The following PKHD1 variants were observed in gnomAD, a reference collection of about 807,000 sequenced individuals.
The protein encoded by PKHD1 is PKHD1 ciliary IPT domain containing fibrocystin/polyductin.
In PKHD1, 291 loss-of-function variants were observed where a neutral mutation model predicts 412.0. The ratio of observed to expected loss-of-function variants is 0.71; its 90% CI spans 0.64 to 0.78. The LOEUF is 0.78. Ranked by LOEUF, PKHD1 falls within the 30% of genes least tolerant of loss-of-function variation. The probability of loss-of-function intolerance (pLI) is 0.00; values close to 1 mark genes in which losing one functional copy is unlikely to be tolerated. For synonymous variants in PKHD1, 1,777 were observed against 1,821.5 expected (o/e 0.98, Z 0.62); for missense variants, 4,825 against 4,950.7 (o/e 0.97, Z 0.76).
chr6:51,804,416 T>TTACAGTGG (rs1763428498), intron 52 of PKHD1, among the ~76,000 whole-genome samples: 1 of 143,294 alleles, frequency 7.0e-6, no homozygotes, highest in Non-Finnish European at 1.5e-5. Context: ...TAAAAAATTA[T>TTACAGTGG]TACAGTGGCT....
At chr6:51,631,739 T>C (rs529836598) in intron 65 of PKHD1, among the ~76,000 whole-genome samples, 1 of 152,122 alleles carries the variant, frequency 6.6e-6, no homozygotes, top group East Asian at 1.9e-4. Flanking sequence ...AGAAGCTTCA[T>C]TTACAAAGCT....
chr6:51,774,051 A>C (rs1044245495), intron 54 of PKHD1, among the ~76,000 whole-genome samples: 18 of 151,936 alleles, frequency 1.2e-4, no homozygotes, highest in African/African-American at 4.3e-4. Flanking sequence ...TAGGCTGAGA[A>C]GGATCCTGAA....
At chr6:51,691,227 C>G (rs1204266315) in intron 60 of PKHD1, among the ~76,000 whole-genome samples, 1 of 152,088 alleles carries the variant, frequency 6.6e-6, no homozygotes, top group African/African-American at 2.4e-5. Context: ...ATCAGTCCAG[C>G]CATTGTGGAA....
At position 51,847,708 on chromosome 6, in the gene PKHD1, G is replaced by A. The variant is rs1042462182; in HGVS notation, c.8107+67C>T. ...CAGCACTTCACAGCACAAATGTCTG[G>A]AATTGAAGGGTGATTGGTGATTTCT... is the stretch of plus-strand genomic sequence containing the variant. On this transcript the variant is annotated intron_variant, in intron 50 of 66. Coordinates refer to ENST00000371117, the MANE Select transcript of PKHD1 (RefSeq NM_138694.4). The A allele has an allele frequency of 5.0e-5, 57 of 1,130,142 alleles. 1 individual carries two copies. The East Asian group carries it at 1.3e-3, about 25-fold the overall frequency. 70.0% of individuals were successfully genotyped at this position (1,130,142 alleles called of 1,614,324 possible).
rs192908630 is a variant in PKHD1 at position 51,860,276 on chromosome 6, A to G, written c.7734-4206T>C. Among the ~76,000 whole-genome samples, 171 of 152,342 alleles carry G rather than the reference A, an allele frequency of 1.1e-3. 1 individual carries two copies. The highest frequency in any genetic ancestry group is 3.8e-3 in the African/African-American group (159 of 41,566). Reference sequence around the variant, plus strand: ...TCTCCCATCAGGCAAGATGGCTTGTACTGACCATCACCAGGGGCCAAAAAT... The same window carrying G: ...TCTCCCATCAGGCAAGATGGCTTGTGCTGACCATCACCAGGGGCCAAAAAT... On this transcript the variant is annotated intron_variant, in intron 48 of 66. Coordinates refer to ENST00000371117, the MANE Select transcript of PKHD1 (RefSeq NM_138694.4).
At chr6:51,697,269 G>A (rs1157128535) in intron 60 of PKHD1, among the ~76,000 whole-genome samples, 6 of 152,164 alleles carry the variant, frequency 3.9e-5, no homozygotes, top group South Asian at 2.1e-4. Context: ...AACCAAACAC[G>A]CTGTGAGGTA....
intron 60 of PKHD1, chr6:51,741,279 C>A: frequency 2.0e-6 from 1 of 501,760 alleles, no homozygotes; most frequent in South Asian, 1.5e-5. Flanking sequence ...TTTGATGCCA[C>A]ACCCATGTAT....
chr6:51,671,032 T>G (rs1438643928), intron 60 of PKHD1, among the ~76,000 whole-genome samples: 7 of 152,112 alleles, frequency 4.6e-5, no homozygotes, highest in Admixed American at 4.6e-4. Flanking sequence ...TGTCTTGGAG[T>G]TTCTCTTCTC....
Position 52,055,545 on chromosome 6 carries a change from T to C in PKHD1, c.1836+42A>G, listed in dbSNP as rs758111171. 47 of 1,609,520 alleles carry C rather than the reference T, an allele frequency of 2.9e-5. No homozygotes were observed. The Admixed American group carries it at 6.0e-4, about 21-fold the overall frequency. On this transcript the variant is annotated intron_variant, in intron 19 of 66. Coordinates refer to ENST00000371117, the MANE Select transcript of PKHD1 (RefSeq NM_138694.4). ...TCTTGAATCCAGAGAGCAATACCAA[T>C]ACCTACCCACCTGACCCAGAAGCAC...
chr6:51,981,315 C>CCTCTG (rs1795146999), intron 35 of PKHD1, among the ~76,000 whole-genome samples: 1 of 10,908 alleles, frequency 9.2e-5, no homozygotes, highest in African/African-American at 2.4e-4. Context: ...CTCAAGCTCT[C>CCTCTG]CCTCTCCCTC....
chr6:51,648,086 T>C lies in PKHD1; in HGVS notation c.11343A>G (p.Ser3781=). 2 of 1,608,148 alleles carry C rather than the reference T, an allele frequency of 1.2e-6. No homozygotes were observed. Among genetic ancestry groups the C allele is most frequent in the Non-Finnish European group, 1.7e-6 (2 of 1,174,504 alleles). ...GGGAAGCTGAAATTGTCCATGGCTC[T>C]GAAGGAGGTCCCAGGGACTCTACTC... ...NRRVESLGPP[S]EPWTISASLE... Residue 3781 remains serine (S), a synonymous_variant, in exon 63 of 67, where the codon TCA becomes TCG. Transcript: ENST00000371117.
intron 60 of PKHD1, among the ~76,000 whole-genome samples, chr6:51,675,402 G>C (rs190743834): frequency 6.6e-6 from 1 of 152,054 alleles, no homozygotes; most frequent in Admixed American, 6.6e-5. Context: ...TCTCCAAATG[G>C]CCTATCTGCC....
At chr6:51,623,542 C>T (rs1321722115) in intron 66 of PKHD1, among the ~76,000 whole-genome samples, 2 of 152,028 alleles carry the variant, frequency 1.3e-5, no homozygotes. Context: ...CTGCAAACAA[C>T]TTCCATCATT....
At chr6:51,803,529 T>C (rs976854847) in intron 52 of PKHD1, among the ~76,000 whole-genome samples, 7 of 150,588 alleles carry the variant, frequency 4.6e-5, no homozygotes, top group Non-Finnish European at 1.0e-4. Flanking sequence ...TAATCCAAGA[T>C]GACTAGAAGA....
At chr6:51,691,977 A>G (rs77737728) in intron 60 of PKHD1, among the ~76,000 whole-genome samples, 6,563 of 152,220 alleles carry the variant, frequency 0.043, 194 homozygotes, top group Middle Eastern at 0.11. Flanking sequence ...ATACTAAACA[A>G]GGAAACTTGT....
In PKHD1 at chr6:51,909,293, T is replaced by C; in HGVS notation, c.6672A>G (p.Gly2224=). 3 of 1,613,164 alleles carry C rather than the reference T, an allele frequency of 1.9e-6. No homozygotes were observed. The highest frequency in any genetic ancestry group is 1.3e-5 in the African/African-American group (1 of 74,950). ...HKHLSSLTLV[G]AMRESFIQGC... The stretch of plus-strand genomic sequence containing the variant: ...TCCGGACCCCCTTACCTCTCATAGC[T>C]CCCACCAGAGTGAGTGAGCTCAGAT... The change falls in exon 40 of 67, where the codon GGA becomes GGG. Residue 2224 remains glycine (G), a synonymous_variant. Transcript: ENST00000371117.
At chr6:51,681,284 A>G (rs1776620868) in intron 60 of PKHD1, among the ~76,000 whole-genome samples, 1 of 152,042 alleles carries the variant, frequency 6.6e-6, no homozygotes, top group African/African-American at 2.4e-5. Flanking sequence ...TAGGATTTCC[A>G]AAGGTGAAGA....
chr6:51,815,999 TG>T (rs1765399607), intron 52 of PKHD1, among the ~76,000 whole-genome samples: 1 of 152,144 alleles, frequency 6.6e-6, no homozygotes, highest in Non-Finnish European at 1.5e-5. Context: ...AAAGGATGCT[TG>T]CCATAGTAAA....
Position 51,911,913 on chromosome 6 carries a change from G to T in PKHD1, c.6376C>A (p.His2126Asn). ...FTENWVAGEH[H>N]ILKATVALLS... Reference sequence around the variant, plus strand: ...AGAGCCACAGTGGCCTTTAAAATATGGTGCTCTCCAGCCACCCAATTCTCT... The same window carrying T: ...AGAGCCACAGTGGCCTTTAAAATATTGTGCTCTCCAGCCACCCAATTCTCT... Residue 2126 changes from histidine to asparagine, a missense_variant, in exon 39 of 67, where the codon CAT (histidine) becomes AAT (asparagine). His to Asn is a moderately conservative substitution (Grantham distance 68). Transcript: ENST00000371117. 6.2e-7 allele frequency: 1 copy of T among 1,611,906 alleles called. No homozygotes were observed.
Sources: allele counts gnomAD v4.1 joint callset (sites outside exome capture counted in the v4.1 genomes callset), GRCh38; gene constraint gnomAD v4.1.1; transcripts MANE v1.5; gene names NCBI Gene and HGNC (gene_info 2026-07-23, HGNC 2026-07-21).